ITGA8: variants seen among roughly 807,000 people sequenced by gnomAD.
The protein encoded by ITGA8 is integrin alpha-8.
A neutral mutation model predicts 142.3 loss-of-function variants in ITGA8; 91 were observed. The ratio of observed to expected loss-of-function variants is 0.64; its 90% confidence interval spans 0.54 to 0.76. ITGA8 has a LOEUF of 0.76. ITGA8 is among the 30% of genes least tolerant of loss of function. The pLI, the probability that ITGA8 is intolerant of heterozygous loss-of-function variation, is 0.00. For synonymous variants in ITGA8, 505 were observed against 485.2 expected (o/e 1.04, Z -0.54); for missense variants, 1,406 against 1,327.7 (o/e 1.06, Z -0.92).
intron 13 of ITGA8, among the ~76,000 whole-genome samples, 156 bp from the exon 14 acceptor site, chr10:15,616,715 GA>G (rs148211058): frequency 0.011 from 1,609 of 144,680 alleles, 40 homozygotes; most frequent in African/African-American, 0.038. Flanking sequence ...AGGCATTTTG[GA>G]AAGGATGTTG....
intron 2 of ITGA8, among the ~76,000 whole-genome samples, chr10:15,697,544 A>G (rs924197064): frequency 6.6e-6 from 1 of 152,184 alleles, no homozygotes; most frequent in Non-Finnish European, 1.5e-5. Context: ...CCTGTAAAGG[A>G]CTAGATAAAT....
chr10:15,630,790 C>T (rs1433658317), intron 13 of ITGA8, among the ~76,000 whole-genome samples: 1 of 152,020 alleles, frequency 6.6e-6, no homozygotes, highest in Non-Finnish European at 1.5e-5. Context: ...GAGAAATTGA[C>T]TCCAACTAAT....
chr10:15,710,010 T>C (rs1472826726), intron 2 of ITGA8, among the ~76,000 whole-genome samples: 3 of 152,232 alleles, frequency 2.0e-5, no homozygotes, highest in Non-Finnish European at 2.9e-5. Flanking sequence ...TTCTGATCTT[T>C]TATTGTTAAT....
rs367904483 is a variant in ITGA8 at position 15,680,306 on chromosome 10, C to T, written c.569-1523G>A. 9.3e-5 allele frequency among the ~76,000 whole-genome samples: 12 copies of T among 128,616 alleles called. No individual in the cohort carries two copies. In the East Asian group the frequency reaches 2.4e-3, roughly 25 times the overall value. 84.4% of individuals were successfully genotyped at this position (128,616 alleles called of 152,430 possible). On this transcript the variant is annotated intron_variant, in intron 4 of 29. Coordinates refer to ENST00000378076, the MANE Select transcript of ITGA8 (RefSeq NM_003638.3). ...GCAGTGGCGCGATCTCAGCTCACTACAAGCTCCGCCTCCCGGGTTCACGCC... is the reference window on the plus strand; with the variant it reads ...GCAGTGGCGCGATCTCAGCTCACTATAAGCTCCGCCTCCCGGGTTCACGCC...
chr10:15,687,882 A>AT, intron 3 of ITGA8, 56 bp downstream of exon 3: 1 of 1,018,750 alleles, frequency 9.8e-7, no homozygotes, highest in Non-Finnish European at 1.6e-6. Flanking sequence ...GCTTGAAAAC[A>AT]TTCCAGTGCA....
intron 23 of ITGA8, among the ~76,000 whole-genome samples, chr10:15,583,451 C>T (rs544231730): frequency 6.6e-6 from 1 of 152,244 alleles, no homozygotes; most frequent in East Asian, 1.9e-4. Context: ...CATCATGGCA[C>T]TTGTATACCT....
chr10:15,693,526 C>A (rs567115635), intron 2 of ITGA8, among the ~76,000 whole-genome samples: 1 of 152,176 alleles, frequency 6.6e-6, no homozygotes, highest in South Asian at 2.1e-4. Flanking sequence ...TGGAAATCCT[C>A]ACCCAAAGTG....
Position 15,687,962 on chromosome 10 carries a change from C to T in ITGA8, c.420G>A (p.Val140=). The change falls in exon 3 of 30, where the codon GTG becomes GTA. Residue 140 remains valine (V), a synonymous_variant. Transcript: ENST00000378076. ...FKSNQWFGAT[V]KAHKGKVVAC... ...CCACAACTTTTCCTTTGTGAGCTTT[C>T]ACTGTTGCTCCAAACCACTGATTGG... The T allele has an allele frequency of 6.2e-7, 1 of 1,612,792 alleles. No individual in the cohort carries two copies. The highest frequency in any genetic ancestry group is 2.2e-5 in the East Asian group (1 of 44,868).
chr10:15,567,333 T>C (rs1454358749), intron 25 of ITGA8, among the ~76,000 whole-genome samples: 1 of 152,138 alleles, frequency 6.6e-6, no homozygotes, highest in Non-Finnish European at 1.5e-5. Flanking sequence ...TAGTTTGAAA[T>C]AATTATTGTA....
chr10:15,597,394 A>C, intron 20 of ITGA8, 95 bp from the exon 21 acceptor site: 2 of 930,320 alleles, frequency 2.1e-6, no homozygotes, highest in Non-Finnish European at 3.6e-6. Flanking sequence ...CCTGGATCTC[A>C]AACACCCAGG....
At chr10:15,568,456 G>T (rs1834115717) in intron 25 of ITGA8, among the ~76,000 whole-genome samples, 1 of 152,184 alleles carries the variant, frequency 6.6e-6, no homozygotes, top group South Asian at 2.1e-4. Context: ...GGACATTAGG[G>T]TAGCTTGCTG....
chr10:15,586,732 A>G, intron 22 of ITGA8, 68 bp from the exon 23 acceptor site: 1 of 907,392 alleles, frequency 1.1e-6, no homozygotes, highest in Non-Finnish European at 1.8e-6. Context: ...ATGATCATAA[A>G]AAACATTCTA....
chr10:15,678,971 A>G (rs551379441), intron 4 of ITGA8, among the ~76,000 whole-genome samples, 188 bp from the exon 5 acceptor site: 3 of 152,324 alleles, frequency 2.0e-5, no homozygotes, highest in African/African-American at 7.2e-5. Flanking sequence ...CTGTTTTCTT[A>G]CACCAAATAG....
At chr10:15,519,161 T>C (rs12774101) in intron 29 of ITGA8, 129 bp downstream of exon 29, 103 of 999,976 alleles carry the variant, frequency 1.0e-4, no homozygotes, top group Admixed American at 3.0e-4. Flanking sequence ...TTTCCCTTTA[T>C]ATCCTTCAGA....
At position 15,613,492 on chromosome 10, in the gene ITGA8, C is replaced by G; in HGVS notation, c.1553+168G>C. ...CTTGAAAGACTAACTCCTTGCTACT[C>G]AAACTTCGGCCACAGACCAGCAGCA... On this transcript the variant is annotated intron_variant, in intron 15 of 29. Transcript: ENST00000378076. The G allele has an allele frequency of 4.7e-6, 3 of 640,542 alleles. 1 individual carries two copies. In the South Asian group the frequency reaches 5.6e-5, roughly 12 times the overall value. 39.7% of individuals were successfully genotyped at this position (640,542 alleles called of 1,614,324 possible). A position where few individuals can be genotyped will look rare whatever the true frequency, so the allele number is the denominator to read the frequency against.
intron 15 of ITGA8, among the ~76,000 whole-genome samples, chr10:15,611,973 A>G (rs1039662064): frequency 2.0e-5 from 3 of 152,220 alleles, no homozygotes; most frequent in Non-Finnish European, 4.4e-5. Context: ...AGGTGTGAAC[A>G]TGAGCCTATT....
chr10:15,551,564 A>T (rs769391035), intron 26 of ITGA8, among the ~76,000 whole-genome samples: 1 of 152,140 alleles, frequency 6.6e-6, no homozygotes, highest in Non-Finnish European at 1.5e-5. Flanking sequence ...GCAGGGGCCC[A>T]CTATGAGAAA....
intron 2 of ITGA8, among the ~76,000 whole-genome samples, chr10:15,702,772 C>A (rs563391582): frequency 1.6e-4 from 25 of 152,254 alleles, no homozygotes; most frequent in African/African-American, 6.0e-4. Context: ...CCTTAAAAGC[C>A]CATTTTAAAA....
intron 8 of ITGA8, among the ~76,000 whole-genome samples, chr10:15,663,951 T>A (rs997207045): frequency 5.3e-5 from 8 of 152,178 alleles, no homozygotes; most frequent in Non-Finnish European, 1.0e-4. Context: ...TTTTTAGTGA[T>A]TTTTAGATTT....
Sources: gnomAD v4.1 joint callset for allele counts (sites outside exome capture counted in the v4.1 genomes callset) on GRCh38, gnomAD v4.1.1 for gene constraint, MANE v1.5 for transcripts, NCBI Gene and HGNC (gene_info 2026-07-23, HGNC 2026-07-21) for gene names.